The following CEP128 variants were observed in gnomAD, a reference collection of about 807,000 sequenced individuals.
CEP128 encodes the protein centrosomal protein 128kDa.
Under a neutral mutation model 156.7 loss-of-function variants are expected in CEP128, and 132 were observed. That is an observed-to-expected ratio of 0.84 (90% CI 0.73 to 0.97). CEP128 has a LOEUF of 0.97. CEP128 is among the 50% of genes least tolerant of loss of function. The probability of loss-of-function intolerance (pLI) is 0.00; values close to 1 mark genes in which losing one functional copy is unlikely to be tolerated. For synonymous variants in CEP128, 469 were observed against 448.9 expected (o/e 1.04, Z -0.57); for missense variants, 1,252 against 1,281.9 (o/e 0.98, Z 0.36).
chr14:80,548,601 T>C (rs1371972585), intron 21 of CEP128, among the ~76,000 whole-genome samples: 3 of 152,206 alleles, frequency 2.0e-5, no homozygotes, highest in African/African-American at 7.2e-5. Context: ...CATTGTGCTT[T>C]ACAATATACA....
At chr14:80,637,004 T>G (rs2140763235) in intron 19 of CEP128, among the ~76,000 whole-genome samples, 1 of 151,962 alleles carries the variant, frequency 6.6e-6, no homozygotes, top group East Asian at 1.9e-4. Context: ...GAGAATCGCT[T>G]GAACCCAGGA....
At chr14:80,752,731 C>T (rs1899457383) in intron 18 of CEP128, among the ~76,000 whole-genome samples, 2 of 152,116 alleles carry the variant, frequency 1.3e-5, no homozygotes, top group South Asian at 2.1e-4. Context: ...AACAGAGTTC[C>T]GAGACCTGAG....
chr14:80,507,178 C>T (rs935631211), intron 23 of CEP128, among the ~76,000 whole-genome samples: 15 of 151,854 alleles, frequency 9.9e-5, no homozygotes, highest in African/African-American at 1.5e-4. Context: ...CCAATTTCTT[C>T]GTAAATTACC....
At chr14:80,779,429 A>C (rs1900980328) in intron 15 of CEP128, among the ~76,000 whole-genome samples, 1 of 152,280 alleles carries the variant, frequency 6.6e-6, no homozygotes, top group Admixed American at 6.5e-5. Flanking sequence ...ATAAATTTAC[A>C]AAATAAAATC....
chr14:80,507,045 T>G (rs1034231898), intron 23 of CEP128, among the ~76,000 whole-genome samples: 31 of 151,964 alleles, frequency 2.0e-4, no homozygotes, highest in South Asian at 2.1e-4. Context: ...CTCTTGCTGC[T>G]GCTTTTGCCA....
chr14:80,562,668 T>C (rs908707277), intron 20 of CEP128, among the ~76,000 whole-genome samples: 2 of 147,474 alleles, frequency 1.4e-5, no homozygotes, highest in African/African-American at 5.0e-5. Context: ...TTTTTTTTTT[T>C]TTTTTTTTTG....
chr14:80,783,800 C>A (rs919225743), intron 15 of CEP128, among the ~76,000 whole-genome samples: 3 of 152,096 alleles, frequency 2.0e-5, no homozygotes, highest in African/African-American at 7.2e-5. Flanking sequence ...GGAGCATATG[C>A]ATCTAGTAAT....
chr14:80,836,398 T>C (rs2140066016), intron 11 of CEP128, 61 bp from the exon 12 acceptor site: 6 of 1,591,512 alleles, frequency 3.8e-6, no homozygotes, highest in Non-Finnish European at 5.2e-6. Context: ...CTACTTCAAA[T>C]GGGCTATTGT....
intron 19 of CEP128, among the ~76,000 whole-genome samples, chr14:80,707,306 C>T (rs1897263005): frequency 6.6e-6 from 1 of 152,108 alleles, no homozygotes; most frequent in Admixed American, 6.6e-5. Context: ...TTTTCAGAGA[C>T]CTTGTAGTGT....
intron 19 of CEP128, among the ~76,000 whole-genome samples, chr14:80,653,622 G>C (rs1895007710): frequency 6.6e-6 from 1 of 152,152 alleles, no homozygotes; most frequent in African/African-American, 2.4e-5. Context: ...GCTATCTTGA[G>C]AGGGGCTAAT....
chr14:80,810,003 A>G (rs1389006545), intron 13 of CEP128, among the ~76,000 whole-genome samples: 1 of 152,124 alleles, frequency 6.6e-6, no homozygotes, highest in South Asian at 2.1e-4. Flanking sequence ...CAACAAGGAC[A>G]ATAAGCAAAA....
At position 80,761,429 on chromosome 14, in the gene CEP128, A is replaced by G. The variant is rs1206437901; in HGVS notation, c.2553+8T>C. On this transcript the variant is annotated splice_region_variant and intron_variant, in intron 17 of 24. Transcript: ENST00000555265. The stretch of plus-strand genomic sequence containing the variant: ...AAAATATAAGGTGCAATGAGAATTC[A>G]TAATTACTTTTAATTTCTCCACTGA... 2.5e-6 allele frequency: 4 copies of G among 1,576,306 alleles called. No individual in the cohort carries two copies. Among genetic ancestry groups the G allele is most frequent in the Non-Finnish European group, 3.5e-6 (4 of 1,154,706 alleles).
chr14:80,740,535 TAGATAGATAGACAGAC>T (rs1464899305), intron 19 of CEP128, among the ~76,000 whole-genome samples: 27 of 143,708 alleles, frequency 1.9e-4, no homozygotes, highest in East Asian at 1.0e-3. Flanking sequence ...GATAGATAGA[TAGATAGATAGACAGAC>T]AGATAGATAG....
chr14:80,532,252 G>C (rs1167894299), intron 21 of CEP128, among the ~76,000 whole-genome samples: 1 of 151,970 alleles, frequency 6.6e-6, no homozygotes, highest in Non-Finnish European at 1.5e-5. Flanking sequence ...AGAGTGCAAA[G>C]GCACATTCAC....
intron 19 of CEP128, among the ~76,000 whole-genome samples, chr14:80,647,068 TATATATATATATATATATAC>T (rs1280065210): frequency 6.7e-5 from 3 of 44,988 alleles, no homozygotes; most frequent in African/African-American, 2.1e-4. Flanking sequence ...TATATATATA[TATATATATATATATATATAC>T]ACCCTTATAA....
chr14:80,792,861 G>C lies in CEP128; in HGVS notation c.1459C>G (p.Gln487Glu), dbSNP rs1433860209. ...AGCTTCCACTGCCTAATGGATTCTT[G>C]AGCTTTCAGTTTCAGGTCTTCCCTC... ...KRREDLKLKAQESIRQWKLKH... is the reference protein window; with the variant it reads ...KRREDLKLKAEESIRQWKLKH... The change falls in exon 14 of 25, where the codon CAA becomes GAA. Residue 487 changes from glutamine (Q) to glutamate (E), a missense_variant. Coordinates refer to ENST00000555265, the MANE Select transcript of CEP128 (RefSeq NM_152446.5). 3.1e-6 allele frequency: 5 copies of C among 1,614,004 alleles called. No homozygotes were observed. The highest frequency in any genetic ancestry group is 2.7e-5 in the African/African-American group (2 of 74,920).
upstream of CEP128, among the ~76,000 whole-genome samples, chr14:80,945,269 A>T (rs957329434): frequency 6.6e-6 from 1 of 152,174 alleles, no homozygotes; most frequent in African/African-American, 2.4e-5. Context: ...GACACCCGTT[A>T]TCTTGAATTA....
rs202134302 is a variant in CEP128, at chr14:80,504,931, T to C, written c.3162A>G (p.Pro1054=). ...ACTTACAGTTCACGTATGAAAATCTTGGACTAGACAGGAAGCGACTGTGAT... is the reference window on the plus strand; with the variant it reads ...ACTTACAGTTCACGTATGAAAATCTCGGACTAGACAGGAAGCGACTGTGAT... The part of the protein sequence containing the change: ...WQDHSRFLSS[P]RFSYVNSFTK... Residue 1054 remains proline, a synonymous_variant, in exon 24 of 25, where the codon CCA becomes CCG. Coordinates refer to ENST00000555265, the MANE Select transcript of CEP128 (RefSeq NM_152446.5). 1.3e-6 allele frequency: 2 copies of C among 1,593,268 alleles called. No individual in the cohort carries two copies. The highest frequency in any genetic ancestry group is 2.7e-5 in the African/African-American group (2 of 74,372).
intron 19 of CEP128, among the ~76,000 whole-genome samples, chr14:80,617,753 G>A (rs1216569732): frequency 1.3e-5 from 2 of 152,112 alleles, no homozygotes; most frequent in Non-Finnish European, 2.9e-5. Flanking sequence ...ACCAGCCTGG[G>A]CAACATGGTG....
Sources: gnomAD v4.1 joint callset for allele counts (sites outside exome capture counted in the v4.1 genomes callset) on GRCh38, gnomAD v4.1.1 for gene constraint, MANE v1.5 for transcripts, NCBI Gene and HGNC (gene_info 2026-07-23, HGNC 2026-07-21) for gene names.